Variants in EHBP1 observed in about 807,000 individuals in gnomAD.
The protein encoded by EHBP1 is EH domain binding protein 1.
In EHBP1, 55 loss-of-function variants were observed where a neutral mutation model predicts 144.0. The ratio of observed to expected loss-of-function variants is 0.38; its 90% CI spans 0.31 to 0.48. The LOEUF is 0.48. EHBP1 is among the 20% of genes least tolerant of loss of function. The pLI, the probability that EHBP1 is intolerant of heterozygous loss-of-function variation, is 0.98. For synonymous variants in EHBP1, 469 were observed against 472.7 expected (o/e 0.99, Z 0.10); for missense variants, 1,200 against 1,364.2 (o/e 0.88, Z 1.90).
In EHBP1 at chr2:63,045,153, T is replaced by A. The variant is rs377307630; in HGVS notation, c.3365T>A (p.Val1122Asp). 1.1e-5 allele frequency: 18 copies of A among 1,594,778 alleles called. No individual in the cohort carries two copies. The highest frequency in any genetic ancestry group is 1.5e-5 in the Non-Finnish European group (18 of 1,170,220). ...VALVNKRDAL[V>D]RDLDAQEKQA... Reference sequence around the variant, plus strand: ...CTGGTGAACAAGCGCGATGCGCTCGTCAGGGACCTGGACGCGCAGGAGAAG... The same window carrying A: ...CTGGTGAACAAGCGCGATGCGCTCGACAGGGACCTGGACGCGCAGGAGAAG... The change falls in exon 22 of 23, where the codon GTC becomes GAC. Residue 1122 changes from valine (V) to aspartate (D), a missense_variant. Val to Asp is a radical substitution (Grantham distance 152). Coordinates refer to ENST00000431489, the MANE Select transcript of EHBP1 (RefSeq NM_001142616.3). The surrounding 1 kb of genome is among the most constrained non-coding windows in gnomAD (Gnocchi z 5.7).
intron 5 of EHBP1, among the ~76,000 whole-genome samples, chr2:62,815,164 G>C (rs1175285532): frequency 2.0e-5 from 3 of 152,120 alleles, no homozygotes; most frequent in Non-Finnish European, 4.4e-5. Context: ...AAAAAGTCTA[G>C]CATCTCCCAT....
chr2:62,967,860 T>C (rs2058315669), intron 14 of EHBP1, among the ~76,000 whole-genome samples: 1 of 152,104 alleles, frequency 6.6e-6, no homozygotes, highest in Non-Finnish European at 1.5e-5. Context: ...AAATCTTTGT[T>C]TTATAATATT....
At chr2:62,957,641 CTTTT>C (rs1157397512) in intron 14 of EHBP1, among the ~76,000 whole-genome samples, 3 of 87,174 alleles carry the variant, frequency 3.4e-5, no homozygotes, top group Non-Finnish European at 5.9e-5. Flanking sequence ...AAAATAAATG[CTTTT>C]TTTTTTTTTT....
intron 7 of EHBP1, among the ~76,000 whole-genome samples, chr2:62,834,954 T>C (rs1411676881): frequency 1.3e-5 from 2 of 152,218 alleles, no homozygotes; most frequent in Non-Finnish European, 2.9e-5. Flanking sequence ...GTATCTTTTT[T>C]TATAGTTTAT....
intron 19 of EHBP1, among the ~76,000 whole-genome samples, chr2:63,037,227 T>G (rs144078432): frequency 1.1e-3 from 161 of 152,078 alleles, no homozygotes; most frequent in African/African-American, 3.7e-3. Context: ...TGTGAGTTCC[T>G]TATTGAAACA....
chr2:62,826,880 G>A (rs541144639), intron 6 of EHBP1, among the ~76,000 whole-genome samples: 15 of 152,164 alleles, frequency 9.9e-5, no homozygotes, highest in South Asian at 4.2e-4. Flanking sequence ...CCTACAAAGC[G>A]GGGAAAAAAG....
At chr2:63,033,356 T>G (rs1284981110) in intron 19 of EHBP1, among the ~76,000 whole-genome samples, 1 of 152,214 alleles carries the variant, frequency 6.6e-6, no homozygotes, top group Admixed American at 6.5e-5. Flanking sequence ...TATATGTGAT[T>G]ACTACTCAGC....
intron 15 of EHBP1, among the ~76,000 whole-genome samples, chr2:62,989,927 T>C (rs1316847067): frequency 2.0e-5 from 3 of 152,180 alleles, no homozygotes; most frequent in Non-Finnish European, 4.4e-5. Flanking sequence ...TGCATGAAAG[T>C]AATGACAATA....
At chr2:62,875,707 G>C (rs903716933) in intron 10 of EHBP1, among the ~76,000 whole-genome samples, 1 of 152,166 alleles carries the variant, frequency 6.6e-6, no homozygotes, top group African/African-American at 2.4e-5. Flanking sequence ...CAAGATTCAG[G>C]AGAAAGTTGA....
chr2:63,020,803 T>C (rs1232814453), intron 19 of EHBP1, among the ~76,000 whole-genome samples: 1 of 151,534 alleles, frequency 6.6e-6, no homozygotes, highest in African/African-American at 2.4e-5. Context: ...CTCAGCCTCC[T>C]GAGTAGCTGG....
rs1235347685 is a variant in EHBP1 at position 62,993,910 on chromosome 2, A to G, written c.2912A>G (p.Lys971Arg). Residue 971 changes from lysine (K) to arginine (R), a missense_variant, in exon 18 of 23, where the codon AAA becomes AGA. Physicochemically the swap from Lys to Arg is conservative, Grantham distance 26. This residue lies in a region of EHBP1 where 543 missense variants were observed against 513.1 expected (regional missense o/e 1.06). Coordinates refer to ENST00000431489, the MANE Select transcript of EHBP1 (RefSeq NM_001142616.3). The stretch of plus-strand genomic sequence containing the variant: ...AGATCAATACAGGAAGATACAAAGA[A>G]AGGAAATGAGGAGAAGGCAGCGATA... ...RQRSIQEDTKKGNEEKAAITE... is the reference protein window; with the variant it reads ...RQRSIQEDTKRGNEEKAAITE... The G allele has an allele frequency of 6.3e-7, 1 of 1,597,702 alleles. No individual in the cohort carries two copies. The highest frequency in any genetic ancestry group is 1.3e-5 in the African/African-American group (1 of 74,618).
chr2:62,927,315 C>T (rs1442865334), intron 10 of EHBP1, among the ~76,000 whole-genome samples: 1 of 151,912 alleles, frequency 6.6e-6, no homozygotes, highest in African/African-American at 2.4e-5. Flanking sequence ...CTATAAGTAA[C>T]AATAATATAG....
At chr2:62,871,483 C>T (rs967792442) in intron 9 of EHBP1, among the ~76,000 whole-genome samples, 34 of 152,130 alleles carry the variant, frequency 2.2e-4, no homozygotes, top group African/African-American at 8.0e-4. Flanking sequence ...CTAAAGATTG[C>T]GCATAAGCTA....
intron 10 of EHBP1, among the ~76,000 whole-genome samples, chr2:62,884,516 C>G (rs2051752154): frequency 6.6e-6 from 1 of 152,104 alleles, no homozygotes. Context: ...GCTCCGGACC[C>G]CCTTTTCCAT....
At chr2:62,998,094 G>A (rs2059713086) in intron 19 of EHBP1, among the ~76,000 whole-genome samples, 1 of 152,106 alleles carries the variant, frequency 6.6e-6, no homozygotes, top group Non-Finnish European at 1.5e-5. Flanking sequence ...TGAGGAGACA[G>A]GCATAGGAAA....
At chr2:62,981,491 A>AT in intron 15 of EHBP1, among the ~76,000 whole-genome samples, 1 of 152,344 alleles carries the variant, frequency 6.6e-6, no homozygotes, top group East Asian at 1.9e-4. Context: ...TAGTGAGCAG[A>AT]TAACAATGCT....
At chr2:63,003,932 A>G (rs570030834) in intron 19 of EHBP1, among the ~76,000 whole-genome samples, 5 of 152,246 alleles carry the variant, frequency 3.3e-5, no homozygotes, top group African/African-American at 7.2e-5. Flanking sequence ...AAGTGAGACA[A>G]TACCATCTTG....
upstream of EHBP1, among the ~76,000 whole-genome samples, chr2:62,701,996 A>C (rs1238331057): frequency 2.0e-5 from 3 of 152,226 alleles, no homozygotes; most frequent in East Asian, 5.8e-4. Context: ...TTTTTACTGC[A>C]ATAACTGTAA....
intron 1 of EHBP1, among the ~76,000 whole-genome samples, chr2:62,693,911 A>G (rs2033993715): frequency 6.6e-6 from 1 of 152,144 alleles, no homozygotes; most frequent in South Asian, 2.1e-4. Flanking sequence ...TTTGAGGTAT[A>G]AGATTTTAAA....
Sources: gnomAD v4.1 joint callset for allele counts (sites outside exome capture counted in the v4.1 genomes callset) on GRCh38, gnomAD v4.1.1 for gene constraint, gnomAD v4.1.1 regional missense constraint, Gnocchi (gnomAD v3.1) non-coding constraint, MANE v1.5 for transcripts, NCBI Gene and HGNC (gene_info 2026-07-23, HGNC 2026-07-21) for gene names.